The following AGMO variants were observed in gnomAD, a reference collection of about 807,000 sequenced individuals.
The protein encoded by AGMO is alkylglycerol monooxygenase, also known as glyceryl-ether monooxygenase.
Under a neutral mutation model 60.2 loss-of-function variants are expected in AGMO, and 75 were observed. The ratio of observed to expected loss-of-function variants is 1.25; its 90% CI spans 1.03 to 1.51. The LOEUF is 1.51. Among genes scored for constraint, AGMO ranks in the 40% most tolerant of loss-of-function variants. The pLI, the probability that AGMO is intolerant of heterozygous loss-of-function variation, is 0.00. For synonymous variants in AGMO, 261 were observed against 177.1 expected, an observed-to-expected ratio of 1.47 and a Z score of -3.76; for missense variants, 763 against 525.5, an observed-to-expected ratio of 1.45 and a Z score of -4.42.
intron 6 of AGMO, 67 bp from the exon 7 acceptor site, chr7:15,390,972 T>C (rs1282900172): frequency 2.1e-6 from 2 of 971,084 alleles, no homozygotes; most frequent in East Asian, 5.3e-5. Flanking sequence ...TACTTCCATC[T>C]TGTTTTTTAG....
chr7:15,493,603 C>T (rs1481847070), intron 3 of AGMO, among the ~76,000 whole-genome samples: 1 of 151,720 alleles, frequency 6.6e-6, no homozygotes, highest in Non-Finnish European at 1.5e-5. Context: ...TCTCGATCTC[C>T]TGACCTCGTG....
At chr7:15,352,521 T>G (rs1349543191) in intron 12 of AGMO, among the ~76,000 whole-genome samples, 1 of 151,582 alleles carries the variant, frequency 6.6e-6, no homozygotes, top group Non-Finnish European at 1.5e-5. Flanking sequence ...AACTGGGCGT[T>G]TGGGTGTTCA....
In AGMO at chr7:15,366,174, T is replaced by A. The variant is rs1222529937; in HGVS notation, c.1123A>T (p.Thr375Ser). Residue 375 changes from threonine (T) to serine (S), a missense_variant, in exon 11 of 13, where the codon ACC becomes TCC. Thr to Ser is a moderately conservative substitution (Grantham distance 58). Coordinates refer to ENST00000342526, the MANE Select transcript of AGMO (RefSeq NM_001004320.2). Reference sequence around the variant, plus strand: ...AGAAGAAATCCAATGGAAGTCAAGGTCAGGATAATGAAGCAAACCCTCAGA... The same window carrying A: ...AGAAGAAATCCAATGGAAGTCAAGGACAGGATAATGAAGCAAACCCTCAGA... ...LLLRVCFIIL[T>S]LTSIGFLLDQ... is the part of the protein sequence containing the mutation. 1.2e-6 allele frequency: 2 copies of A among 1,608,908 alleles called. No homozygotes were observed. The highest frequency in any genetic ancestry group is 2.7e-5 in the African/African-American group (2 of 74,616).
At chr7:15,560,033 G>T in intron 2 of AGMO, 108 bp downstream of exon 2, 1 of 1,143,500 alleles carries the variant, frequency 8.7e-7, no homozygotes, top group Non-Finnish European at 1.2e-6. Context: ...GAATTTTTTG[G>T]GAAAATTTGT....
the AGMO span, among the ~76,000 whole-genome samples, chr7:15,127,012 T>C: frequency 1.6e-3 from 242 of 152,262 alleles, 4 homozygotes; most frequent in Middle Eastern, 6.8e-3. Flanking sequence ...ACTCAGCTAA[T>C]TGTCAACCAG....
At chr7:15,322,942 G>A (rs1158179717) in intron 12 of AGMO, among the ~76,000 whole-genome samples, 1 of 143,566 alleles carries the variant, frequency 7.0e-6, no homozygotes, top group African/African-American at 2.5e-5. Context: ...ATGTGTGTGT[G>A]TGCATATATA....
chr7:15,207,615 A>G (rs1428339704), intron 12 of AGMO, among the ~76,000 whole-genome samples: 1 of 152,194 alleles, frequency 6.6e-6, no homozygotes, highest in Non-Finnish European at 1.5e-5. Context: ...ACTTTGTCAA[A>G]AGGTCAGGTA....
intron 3 of AGMO, among the ~76,000 whole-genome samples, chr7:15,518,870 C>A (rs746068556): frequency 2.0e-5 from 3 of 151,702 alleles, no homozygotes; most frequent in Non-Finnish European, 2.9e-5. Flanking sequence ...AAAACTCCTC[C>A]AAGCTAAAGG....
At chr7:15,376,740 T>C (rs575430655) in intron 10 of AGMO, among the ~76,000 whole-genome samples, 4 of 152,170 alleles carry the variant, frequency 2.6e-5, no homozygotes, top group African/African-American at 7.2e-5. Context: ...ATTTCCAACA[T>C]GTACTCATGA....
chr7:15,148,434 T>C, the AGMO span, among the ~76,000 whole-genome samples: 6 of 152,082 alleles, frequency 3.9e-5, no homozygotes, highest in African/African-American at 1.4e-4. Context: ...ATCACCCAGG[T>C]AGTGAGCATG....
chr7:15,118,946 G>A, the AGMO span, among the ~76,000 whole-genome samples: 2 of 139,162 alleles, frequency 1.4e-5, no homozygotes, highest in African/African-American at 2.7e-5. Flanking sequence ...TGCCAGGCTG[G>A]AGTGCAGTGG....
chr7:15,375,385 G>A (rs1349729599), intron 10 of AGMO, among the ~76,000 whole-genome samples: 1 of 119,508 alleles, frequency 8.4e-6, no homozygotes, highest in African/African-American at 3.1e-5. Flanking sequence ...TTTCTAAAAG[G>A]ATTTTTTTTT....
chr7:15,292,751 C>CTTTTTTTTTTTTT (rs765222435), intron 12 of AGMO, among the ~76,000 whole-genome samples: 11 of 95,124 alleles, frequency 1.2e-4, no homozygotes, highest in South Asian at 3.9e-4. Flanking sequence ...TTTTTTTTTC[C>CTTTTTTTTTTTTT]TTTTTTTTTT....
At chr7:15,489,440 G>C (rs1783011057) in intron 3 of AGMO, among the ~76,000 whole-genome samples, 1 of 152,162 alleles carries the variant, frequency 6.6e-6, no homozygotes, top group East Asian at 1.9e-4. Flanking sequence ...GAGTCCCATA[G>C]GCAATCTTCA....
intron 3 of AGMO, among the ~76,000 whole-genome samples, chr7:15,524,150 T>C (rs1269579850): frequency 6.6e-6 from 1 of 152,006 alleles, no homozygotes; most frequent in Non-Finnish European, 1.5e-5. Context: ...AGTATAAATA[T>C]GAAAGTGTAA....
At chr7:15,352,114 G>A (rs13438636) in intron 12 of AGMO, among the ~76,000 whole-genome samples, 1 of 152,112 alleles carries the variant, frequency 6.6e-6, no homozygotes, top group Non-Finnish European at 1.5e-5. Context: ...GCTATAGCAA[G>A]AAGACCTCTA....
rs368935569 is a variant in AGMO, at chr7:15,313,263, C to G, written c.1263+52251G>C. Among the ~76,000 whole-genome samples, 6 of 152,296 alleles carry G rather than the reference C, an allele frequency of 3.9e-5. No individual in the cohort carries two copies. In the East Asian group the frequency reaches 9.7e-4, roughly 25 times the overall value. ...AATAACATCCCCCATCATTGACTTT[C>G]TATTAACTATATTCCACACACGATG... is the stretch of plus-strand genomic sequence containing the variant. On this transcript the variant is annotated intron_variant, in intron 12 of 12. Transcript: ENST00000342526.
intron 12 of AGMO, among the ~76,000 whole-genome samples, chr7:15,275,606 C>A (rs1783759076): frequency 6.6e-6 from 1 of 152,068 alleles, no homozygotes; most frequent in Admixed American, 6.6e-5. Context: ...CTTTGATTTT[C>A]TGTCTTAATA....
chr7:15,131,315 T>A, the AGMO span, among the ~76,000 whole-genome samples: 2 of 152,152 alleles, frequency 1.3e-5, no homozygotes, highest in African/African-American at 4.8e-5. Flanking sequence ...TAACAGGATG[T>A]AATGCTAGTC....
Sources: allele counts gnomAD v4.1 joint callset (sites outside exome capture counted in the v4.1 genomes callset), GRCh38; gene constraint gnomAD v4.1.1; transcripts MANE v1.5; gene names NCBI Gene and HGNC (gene_info 2026-07-23, HGNC 2026-07-21).